FBXL13: variants seen among roughly 807,000 people sequenced by gnomAD.
The protein encoded by FBXL13 is F-box and leucine-rich repeat protein 13.
In FBXL13, 67 loss-of-function variants were observed where a neutral mutation model predicts 83.6. That is an observed-to-expected ratio of 0.80 (90% CI 0.66 to 0.98). The LOEUF (loss-of-function observed/expected upper bound fraction) is 0.98, where lower values mean the gene tolerates loss of function less well. FBXL13 is among the 50% of genes least tolerant of loss of function. The probability of loss-of-function intolerance (pLI) is 0.00; values close to 1 mark genes in which losing one functional copy is unlikely to be tolerated. For synonymous variants in FBXL13, 272 were observed against 299.5 expected (o/e 0.91, Z 0.95); for missense variants, 822 against 866.5 (o/e 0.95, Z 0.64).
At chr7:102,963,465 C>A in intron 8 of FBXL13, 68 bp downstream of exon 9, 6 of 1,574,176 alleles carry the variant, frequency 3.8e-6, no homozygotes, top group Non-Finnish European at 5.2e-6. Context: ...TTAATCTATG[C>A]TTTTCTGTAT....
chr7:102,811,974 A>G (rs548059357), downstream of FBXL13, among the ~76,000 whole-genome samples: 7 of 152,220 alleles, frequency 4.6e-5, no homozygotes, highest in African/African-American at 1.7e-4. Context: ...ACTTTGTACA[A>G]TCTTTTTAAA....
chr7:103,004,550 C>T (rs899970145), intron 6 of FBXL13, among the ~76,000 whole-genome samples: 1 of 152,152 alleles, frequency 6.6e-6, no homozygotes, highest in Non-Finnish European at 1.5e-5. Flanking sequence ...GGGTTTTTCT[C>T]CCTACAGGCA....
At chr7:102,841,324 T>C (rs1325312791) in intron 17 of FBXL13, among the ~76,000 whole-genome samples, 2 of 151,488 alleles carry the variant, frequency 1.3e-5, no homozygotes, top group Non-Finnish European at 2.9e-5. Flanking sequence ...GCTTAAAGAG[T>C]GGGAGAGGGC....
chr7:102,971,534 C>T lies in FBXL13; in HGVS notation c.496-3417G>A, dbSNP rs946972317. 1.1e-4 allele frequency among the ~76,000 whole-genome samples: 15 copies of T among 139,696 alleles called. 1 individual carries two copies. Among genetic ancestry groups the T allele is most frequent in the South Asian group, 4.6e-4 (2 of 4,334 alleles). The allele number at this position is 139,696 out of a possible 152,430, so 91.6% of individuals were successfully genotyped here. A position where few individuals can be genotyped will look rare whatever the true frequency, so the allele number is the denominator to read the frequency against. ...ATCGCTTGAACCCGGGCGGAGGTGG[C>T]GGTGAGCCAAGATTGTGCCATTGCA... On this transcript the variant is annotated intron_variant, in intron 6 of 19. Transcript: ENST00000313221.
chr7:102,988,082 C>G (rs1304834588), intron 6 of FBXL13: 1 of 152,156 alleles, frequency 6.6e-6, no homozygotes, highest in Non-Finnish European at 1.5e-5. Context: ...AGAGTCCTTA[C>G]AAACACCATG....
At chr7:102,956,016 C>T (rs1585120126) in intron 8 of FBXL13, among the ~76,000 whole-genome samples, 1 of 152,094 alleles carries the variant, frequency 6.6e-6, no homozygotes, top group Non-Finnish European at 1.5e-5. Flanking sequence ...AGAGGGAATC[C>T]TCCCTAACTC....
chr7:103,041,291 C>G (rs962930814), intron 2 of FBXL13, among the ~76,000 whole-genome samples: 3 of 152,166 alleles, frequency 2.0e-5, no homozygotes, highest in African/African-American at 7.2e-5. Context: ...AGTTGAATCT[C>G]TGAATAGACC....
At chr7:102,934,898 G>T (rs953445951) in intron 8 of FBXL13, among the ~76,000 whole-genome samples, 1 of 152,150 alleles carries the variant, frequency 6.6e-6, no homozygotes, top group Non-Finnish European at 1.5e-5. Context: ...AGGGAAGGAG[G>T]TATCCTCAGG....
intron 8 of FBXL13, chr7:102,944,371 T>G (rs1822059236): frequency 6.2e-7 from 1 of 1,613,994 alleles, no homozygotes; most frequent in Admixed American, 1.7e-5. Context: ...CCTCTACTAC[T>G]GGTTAAAGCA....
At chr7:102,872,098 T>C (rs1808604495) in intron 16 of FBXL13, among the ~76,000 whole-genome samples, 1 of 152,210 alleles carries the variant, frequency 6.6e-6, no homozygotes, top group African/African-American at 2.4e-5. Flanking sequence ...TAGTGTATTC[T>C]AGCAGGACTA....
chr7:102,965,416 C>T (rs552052345), intron 7 of FBXL13, among the ~76,000 whole-genome samples: 2 of 152,214 alleles, frequency 1.3e-5, no homozygotes, highest in South Asian at 4.1e-4. Context: ...AGTGTAGCAT[C>T]TGGCATATAA....
intron 8 of FBXL13, chr7:102,933,862 T>C: frequency 2.0e-6 from 3 of 1,494,458 alleles, no homozygotes; most frequent in Non-Finnish European, 2.7e-6. Flanking sequence ...AAAGGAATAC[T>C]TTCATTGTTC....
chr7:102,939,497 C>A, intron 8 of FBXL13: 1 of 1,613,868 alleles, frequency 6.2e-7, no homozygotes, highest in Non-Finnish European at 8.5e-7. Flanking sequence ...ACAATAAAAT[C>A]AACCAACTTC....
chr7:102,944,346 C>T (rs1211982139), intron 8 of FBXL13: 1 of 1,614,072 alleles, frequency 6.2e-7, no homozygotes, highest in East Asian at 2.2e-5. Context: ...GGAGATGTGA[C>T]TACAACATTC....
chr7:103,035,217 A>C (rs1247398024), intron 2 of FBXL13, among the ~76,000 whole-genome samples: 1 of 152,180 alleles, frequency 6.6e-6, no homozygotes, highest in Non-Finnish European at 1.5e-5. Flanking sequence ...TCTTAGGAAG[A>C]CCAGGTTGGC....
chr7:103,004,100 C>A (rs1313369481), intron 6 of FBXL13, among the ~76,000 whole-genome samples: 1 of 152,184 alleles, frequency 6.6e-6, no homozygotes, highest in Non-Finnish European at 1.5e-5. Context: ...TCCCTGTTTG[C>A]TGTTTTTATG....
chr7:102,885,593 A>G (rs1424855248), intron 11 of FBXL13, among the ~76,000 whole-genome samples: 1 of 151,960 alleles, frequency 6.6e-6, no homozygotes, highest in Non-Finnish European at 1.5e-5. Context: ...AAAATCATGT[A>G]CTTCGATGCA....
intron 17 of FBXL13, among the ~76,000 whole-genome samples, chr7:102,836,573 G>T (rs915987830): frequency 5.4e-4 from 82 of 152,276 alleles, no homozygotes; most frequent in African/African-American, 1.9e-3. Context: ...TTACAGTAAA[G>T]ACAGAGATAA....
At chr7:102,838,396 C>T (rs1195887019) in intron 17 of FBXL13, among the ~76,000 whole-genome samples, 4 of 152,050 alleles carry the variant, frequency 2.6e-5, no homozygotes, top group Admixed American at 6.5e-5. Context: ...TTTGTATGCA[C>T]TGCTTCTCTG....
Sources: allele counts gnomAD v4.1 joint callset (sites outside exome capture counted in the v4.1 genomes callset), GRCh38; gene constraint gnomAD v4.1.1; transcripts MANE v1.5; gene names NCBI Gene and HGNC (gene_info 2026-07-23, HGNC 2026-07-21).